CMYA5: variants seen among roughly 807,000 people sequenced by gnomAD.
CMYA5 encodes the protein cardiomyopathy-associated protein 5.
In CMYA5, 246 loss-of-function variants were observed where a neutral mutation model predicts 318.9. The ratio of observed to expected loss-of-function variants is 0.77; its 90% confidence interval spans 0.70 to 0.86. The LOEUF is 0.86. Ranked by LOEUF, CMYA5 falls within the 40% of genes least tolerant of loss-of-function variation. The pLI is 0.00. For synonymous variants in CMYA5, 1,641 were observed against 1,729.5 expected (o/e 0.95, Z 1.27); for missense variants, 4,589 against 4,678.2 (o/e 0.98, Z 0.56).
chr5:79,762,758 A>C, intron 8 of CMYA5: 1 of 276,562 alleles, frequency 3.6e-6, no homozygotes, highest in Non-Finnish European at 6.8e-6. Flanking sequence ...GTACTGGGAC[A>C]GGGGAAAGAA....
rs370208396 is a variant in CMYA5 at position 79,734,856 on chromosome 5, C to G, written c.6091C>G (p.Pro2031Ala). Residue 2031 changes from proline to alanine, a missense_variant, in exon 2 of 13, where the codon CCT becomes GCT. This residue lies in a region of CMYA5 where 2,431 missense variants were observed against 2,495.1 expected (regional missense o/e 0.97). Coordinates refer to ENST00000446378, the MANE Select transcript of CMYA5 (RefSeq NM_153610.5). ...LEKANTELSWPSKEDSQEKIK... is the reference protein window; with the variant it reads ...LEKANTELSWASKEDSQEKIK... ...GAAAGCAAACACAGAGCTTTCCTGG[C>G]CTTCCAAAGAAGATAGCCAGGAAAA... The G allele has an allele frequency of 2.5e-6, 4 of 1,613,578 alleles. No individual in the cohort carries two copies. The African/African-American group carries it at 5.3e-5, about 22-fold the overall frequency.
At chr5:79,770,245 G>A (rs1002152020) in intron 9 of CMYA5, among the ~76,000 whole-genome samples, 5 of 152,042 alleles carry the variant, frequency 3.3e-5, no homozygotes, top group Admixed American at 2.0e-4. Context: ...GGGCTCCTTG[G>A]GGGTGGGATC....
In CMYA5 at chr5:79,731,167, A is replaced by G. The variant is rs761400387; in HGVS notation, c.2402A>G (p.Tyr801Cys). The G allele has an allele frequency of 2.5e-6, 4 of 1,613,900 alleles. No individual in the cohort carries two copies. Among genetic ancestry groups the G allele is most frequent in the Admixed American group, 1.7e-5 (1 of 60,000 alleles). The change falls in exon 2 of 13, where the codon TAT becomes TGT. Residue 801 changes from tyrosine (Y) to cysteine (C), a missense_variant. By Grantham distance (194) the Tyr-to-Cys change is radical. This residue lies in a region of CMYA5 where 2,132 missense variants were observed against 2,131.3 expected (regional missense o/e 1.00). Transcript: ENST00000446378. ...FTPDSKLISK[Y>C]AAPLNATQES... Reference sequence around the variant, plus strand: ...CCGGATTCAAAGTTGATCTCCAAATATGCAGCCCCACTCAATGCAACACAG... The same window carrying G: ...CCGGATTCAAAGTTGATCTCCAAATGTGCAGCCCCACTCAATGCAACACAG...
intron 1 of CMYA5, among the ~76,000 whole-genome samples, chr5:79,712,457 C>T (rs1194713538): frequency 6.6e-6 from 1 of 152,038 alleles, no homozygotes; most frequent in Non-Finnish European, 1.5e-5. Flanking sequence ...AAATGATCCA[C>T]CCTCCTCAGC....
chr5:79,733,333 T>C lies in CMYA5; in HGVS notation c.4568T>C (p.Leu1523Ser). ...KKSLMSTSEV[L>S]EPEHELPLSL... ...AGCTTGATGTCTACCTCAGAGGTGT[T>C]AGAGCCTGAACATGAGCTTCCACTC... The change falls in exon 2 of 13, where the codon TTA (leucine) becomes TCA (serine). Residue 1523 changes from leucine (L) to serine (S), a missense_variant. Leu to Ser is a moderately radical substitution (Grantham distance 145). Around this residue, in one of 3 missense-constraint regions of CMYA5, gnomAD observed 2,132 missense variants for 2,131.3 expected, o/e 1.00. Transcript: ENST00000446378. The C allele has an allele frequency of 6.2e-7, 1 of 1,613,648 alleles. No individual in the cohort carries two copies. The highest frequency in any genetic ancestry group is 8.5e-7 in the Non-Finnish European group (1 of 1,179,822).
chr5:79,776,843 G>C (rs1380999260), intron 9 of CMYA5, among the ~76,000 whole-genome samples: 1 of 152,128 alleles, frequency 6.6e-6, no homozygotes, highest in African/African-American at 2.4e-5. Flanking sequence ...CTAACTGTAG[G>C]CTGCTCCTAG....
chr5:79,722,667 A>G (rs1297975809), intron 1 of CMYA5, among the ~76,000 whole-genome samples: 1 of 126,820 alleles, frequency 7.9e-6, no homozygotes, highest in Non-Finnish European at 1.6e-5. Flanking sequence ...ACAGAGTGAG[A>G]CTCTGTCTCA....
intron 5 of CMYA5, among the ~76,000 whole-genome samples, chr5:79,748,525 CTAT>C (rs1828372886): frequency 2.7e-5 from 1 of 36,992 alleles, no homozygotes; most frequent in African/African-American, 4.3e-4. Context: ...ATCTACCTAT[CTAT>C]CTATCTATCT....
Position 79,729,671 on chromosome 5 carries a change from C to G in CMYA5, c.906C>G (p.Pro302=). The change falls in exon 2 of 13, where the codon CCC becomes CCG. Residue 302 remains proline, a synonymous_variant. Coordinates refer to ENST00000446378, the MANE Select transcript of CMYA5 (RefSeq NM_153610.5). ...IEDKVKEVFP[P]WRGALSKGSE... is the part of the protein sequence containing the mutation. ...ATAAAGTAAAAGAGGTTTTTCCACC[C>G]TGGAGAGGCGCACTCTCCAAAGGAT... 2 of 1,613,580 alleles carry G rather than the reference C, an allele frequency of 1.2e-6. No homozygotes were observed. The highest frequency in any genetic ancestry group is 1.7e-6 in the Non-Finnish European group (2 of 1,179,752).
At position 79,732,588 on chromosome 5, in the gene CMYA5, G is replaced by A. The variant is rs1363479214; in HGVS notation, c.3823G>A (p.Glu1275Lys). The change falls in exon 2 of 13, where the codon GAG becomes AAG. Residue 1275 changes from glutamate (E) to lysine (K), a missense_variant. Glu to Lys is a moderately conservative substitution (Grantham distance 56, BLOSUM62 1). This residue lies in a region of CMYA5 where 2,132 missense variants were observed against 2,131.3 expected (regional missense o/e 1.00). Transcript: ENST00000446378. ...ELEQRKLSKNEPEVIKPYSPL... is the reference protein window; with the variant it reads ...ELEQRKLSKNKPEVIKPYSPL... The stretch of plus-strand genomic sequence containing the variant: ...AGAACAGAGAAAGTTGTCCAAGAAT[G>A]AGCCTGAAGTAATAAAACCATATTC... 1 of 1,613,016 alleles carries A rather than the reference G, an allele frequency of 6.2e-7. No homozygotes were observed. The highest frequency in any genetic ancestry group is 1.7e-5 in the Admixed American group (1 of 59,854).
chr5:79,762,012 A>C, intron 8 of CMYA5, 55 bp downstream of exon 8: 2 of 1,542,976 alleles, frequency 1.3e-6, no homozygotes, highest in Non-Finnish European at 1.8e-6. Flanking sequence ...TTCTTCACAG[A>C]CTCTTGAGAT....
chr5:79,725,589 CAT>C (rs1827730841), intron 1 of CMYA5, among the ~76,000 whole-genome samples: 1 of 152,192 alleles, frequency 6.6e-6, no homozygotes, highest in African/African-American at 2.4e-5. Flanking sequence ...CAAATGTGCA[CAT>C]GTTCCCCCTG....
chr5:79,737,736 C>G lies in CMYA5; in HGVS notation c.8971C>G (p.Leu2991Val), dbSNP rs1236644197. The G allele has an allele frequency of 2.5e-6, 4 of 1,611,924 alleles. No homozygotes were observed. In the South Asian group the frequency reaches 3.3e-5, roughly 13 times the overall value. Residue 2991 changes from leucine (L) to valine (V), a missense_variant, in exon 2 of 13, where the codon CTC becomes GTC. Physicochemically the swap from Leu to Val is conservative, Grantham distance 32 (BLOSUM62 1). Around this residue, in one of 3 missense-constraint regions of CMYA5, gnomAD observed 2,431 missense variants for 2,495.1 expected, o/e 0.97. Transcript: ENST00000446378. ...EEKASFKTIPLPDDSETVACH... is the reference protein window; with the variant it reads ...EEKASFKTIPVPDDSETVACH... ...GAAAGCCTCATTTAAAACCATACCA[C>G]TCCCTGATGATAGTGAAACAGTTGC...
intron 7 of CMYA5, 132 bp downstream of exon 7, chr5:79,759,034 C>T (rs941818588): frequency 9.5e-6 from 7 of 738,602 alleles, no homozygotes; most frequent in East Asian, 3.1e-5. Context: ...ACAACAAAAC[C>T]CCAACAACCA....
chr5:79,755,119 TGTATCTG>T (rs1248500194), intron 6 of CMYA5, among the ~76,000 whole-genome samples: 15 of 152,188 alleles, frequency 9.9e-5, no homozygotes, highest in African/African-American at 3.4e-4. Context: ...AGTGGAAATC[TGTATCTG>T]GTCACAGATT....
intron 2 of CMYA5, 73 bp downstream of exon 2, chr5:79,739,476 T>G (rs998409423): frequency 8.0e-6 from 9 of 1,127,232 alleles, no homozygotes; most frequent in Non-Finnish European, 1.1e-5. Flanking sequence ...ATTTTCTCAA[T>G]TTTAAAGATG....
At position 79,738,652 on chromosome 5, in the gene CMYA5, A is replaced by G. The variant is rs752368485; in HGVS notation, c.9887A>G (p.Glu3296Gly). 6.2e-7 allele frequency: 1 copy of G among 1,613,928 alleles called. No individual in the cohort carries two copies. Among genetic ancestry groups the G allele is most frequent in the South Asian group, 1.1e-5 (1 of 91,088 alleles). ...ACTATTTGCAGGGAGAAGAGTCTGGAAGAACAGAAAGGTGTTTATGGGGAA... is the reference window on the plus strand; with the variant it reads ...ACTATTTGCAGGGAGAAGAGTCTGGGAGAACAGAAAGGTGTTTATGGGGAA... ...FGTICREKSLEEQKGVYGEGE... is the reference protein window; with the variant it reads ...FGTICREKSLGEQKGVYGEGE... Residue 3296 changes from glutamate (E) to glycine (G), a missense_variant, in exon 2 of 13, where the codon GAA (glutamate) becomes GGA (glycine). Glu to Gly is a moderately conservative substitution (Grantham distance 98). Around this residue, in one of 3 missense-constraint regions of CMYA5, gnomAD observed 2,431 missense variants for 2,495.1 expected, o/e 0.97. Transcript: ENST00000446378.
In CMYA5 at chr5:79,729,780, G is replaced by A. The variant is rs1827834455; in HGVS notation, c.1015G>A (p.Glu339Lys). The change falls in exon 2 of 13, where the codon GAG becomes AAG. Residue 339 changes from glutamate to lysine, a missense_variant. By Grantham distance (56) the Glu-to-Lys change is moderately conservative. Around this residue, in one of 3 missense-constraint regions of CMYA5, gnomAD observed 2,132 missense variants for 2,131.3 expected, o/e 1.00. Transcript: ENST00000446378. ...TCCCCTAAATGCCACATCTGCATTG[G>A]AGCACACAGTTCCCTCTTATTCAAG... is the stretch of plus-strand genomic sequence containing the variant. The part of the protein sequence containing the change: ...DSPLNATSAL[E>K]HTVPSYSSSG... 1.2e-6 allele frequency: 2 copies of A among 1,613,856 alleles called. No homozygotes were observed. Among genetic ancestry groups the A allele is most frequent in the Non-Finnish European group, 1.7e-6 (2 of 1,179,858 alleles).
chr5:79,729,833 G>C lies in CMYA5; in HGVS notation c.1068G>C (p.Gln356His), dbSNP rs1330092647. Residue 356 changes from glutamine (Q) to histidine (H), a missense_variant, in exon 2 of 13, where the codon CAG becomes CAC. Gln to His is a conservative substitution (Grantham distance 24). Around this residue, in one of 3 missense-constraint regions of CMYA5, gnomAD observed 2,132 missense variants for 2,131.3 expected, o/e 1.00. Transcript: ENST00000446378. ...GTGGCAGAGCAGAACAAGGAATACA[G>C]CTCAGGCATTCACAGTCAGTGCCAC... ...SSSGRAEQGIQLRHSQSVPQQ... is the reference protein window; with the variant it reads ...SSSGRAEQGIHLRHSQSVPQQ... 6.2e-7 allele frequency: 1 copy of C among 1,613,078 alleles called. No individual in the cohort carries two copies.
Sources: allele counts gnomAD v4.1 joint callset (sites outside exome capture counted in the v4.1 genomes callset), GRCh38; gene constraint gnomAD v4.1.1; regional missense constraint gnomAD v4.1.1; transcripts MANE v1.5; gene names NCBI Gene and HGNC (gene_info 2026-07-23, HGNC 2026-07-21).